Variants in TRIM37 observed in about 807,000 individuals in gnomAD.
TRIM37 encodes tripartite motif containing 37.
TRIM37 carries 80 observed loss-of-function variants against 129.8 expected under a neutral mutation model. That is an observed-to-expected ratio of 0.62 (90% confidence interval 0.51 to 0.74). The LOEUF is 0.74. Ranked by LOEUF, TRIM37 falls within the 30% of genes least tolerant of loss-of-function variation. The pLI is 0.00. For missense variants in TRIM37, 1,054 were observed against 1,176.5 expected (o/e 0.90, Z 1.52); for synonymous variants, 389 against 387.1 (o/e 1.00, Z -0.06).
chr17:59,074,064 T>C (rs1302120162), intron 8 of TRIM37, among the ~76,000 whole-genome samples: 1 of 152,250 alleles, frequency 6.6e-6, no homozygotes, highest in Non-Finnish European at 1.5e-5. Context: ...AATAATGTGT[T>C]ATATTTTTAT....
At position 59,012,889 on chromosome 17, in the gene TRIM37, A is replaced by AT. The variant is rs1002257491; in HGVS notation, c.2577-444dup. On this transcript the variant is annotated intron_variant, in intron 21 of 23. Transcript: ENST00000262294. ...AGACTCTGTCTCAAAAAAAAAAAAA[A>AT]TTTTTTTTTCACTAAATATTCACAA... is the stretch of plus-strand genomic sequence containing the variant. 2.1e-4 allele frequency among the ~76,000 whole-genome samples: 31 copies of AT among 150,630 alleles called. No homozygotes were observed. In the East Asian group the frequency reaches 3.9e-3, roughly 19 times the overall value.
At chr17:58,986,798 C>A (rs929264849) in intron 24 of TRIM37, among the ~76,000 whole-genome samples, 2 of 152,160 alleles carry the variant, frequency 1.3e-5, no homozygotes, top group East Asian at 3.9e-4. Flanking sequence ...GTGTGAGACA[C>A]CACGCCCAGC....
intron 4 of TRIM37, among the ~76,000 whole-genome samples, chr17:59,087,160 A>ATCTC (rs1291968117): frequency 3.9e-5 from 6 of 152,114 alleles, no homozygotes; most frequent in African/African-American, 1.4e-4. Context: ...CAATGGCACG[A>ATCTC]TCTCGGCTCA....
rs574412860 is a variant in TRIM37 at position 59,052,942 on chromosome 17, G to A, written c.1200-1614C>T. On this transcript the variant is annotated intron_variant, in intron 13 of 23. Coordinates refer to ENST00000262294, the MANE Select transcript of TRIM37 (RefSeq NM_015294.6). ...TGCACTCCAGCCTGGGCAACAGAGCGAAACTCTGTCTCAAAAAATCAAATC... is the reference window on the plus strand; with the variant it reads ...TGCACTCCAGCCTGGGCAACAGAGCAAAACTCTGTCTCAAAAAATCAAATC... Among the ~76,000 whole-genome samples the A allele has an allele frequency of 1.2e-4, 18 of 146,422 alleles. No individual in the cohort carries two copies. In the East Asian group the frequency reaches 3.6e-3, roughly 29 times the overall value.
intron 5 of TRIM37, among the ~76,000 whole-genome samples, chr17:59,081,958 A>AT (rs1555688920): frequency 8.7e-4 from 109 of 124,996 alleles, no homozygotes; most frequent in African/African-American, 2.4e-3. Flanking sequence ...AAAAATAAAA[A>AT]AAAAAAAATA....
intron 22 of TRIM37, among the ~76,000 whole-genome samples, chr17:59,010,782 T>C (rs779315435): frequency 6.6e-6 from 1 of 152,044 alleles, no homozygotes; most frequent in Non-Finnish European, 1.5e-5. Flanking sequence ...CATGAGCCAC[T>C]GCGCTTGGTG....
exon 25 of TRIM37, chr17:58,982,815 C>A (rs921394109): frequency 2.2e-5 from 27 of 1,208,408 alleles, no homozygotes; most frequent in African/African-American, 3.1e-5. Context: ...ACCTTTTCAT[C>A]ATTCTGAGGC....
intron 6 of TRIM37, among the ~76,000 whole-genome samples, chr17:59,080,118 G>T (rs567487989): frequency 6.6e-6 from 1 of 152,254 alleles, no homozygotes; most frequent in African/African-American, 2.4e-5. Context: ...GTAAAACAAA[G>T]AAGACATCTG....
At chr17:59,046,540 G>GT (rs772227639) in intron 16 of TRIM37, among the ~76,000 whole-genome samples, 1,592 of 131,684 alleles carry the variant, frequency 0.012, 4 homozygotes, top group African/African-American at 0.022. Flanking sequence ...ATGAAAAACA[G>GT]TTTTTTTTTT....
intron 5 of TRIM37, 84 bp downstream of exon 5, chr17:59,083,915 CATA>C: frequency 9.6e-7 from 1 of 1,045,348 alleles, no homozygotes; most frequent in Non-Finnish European, 1.5e-6. Flanking sequence ...TCTACGAGAG[CATA>C]ATGACACTAT....
chr17:59,042,445 A>ATATATATAT (rs1220676334), intron 16 of TRIM37, among the ~76,000 whole-genome samples: 28 of 40,248 alleles, frequency 7.0e-4, no homozygotes, highest in East Asian at 1.5e-3. Context: ...AAAAAAAAAA[A>ATATATATAT]AAAAATATAT....
intron 21 of TRIM37, among the ~76,000 whole-genome samples, chr17:59,013,914 C>A (rs1043884857): frequency 1.3e-5 from 2 of 151,888 alleles, no homozygotes; most frequent in Non-Finnish European, 1.5e-5. Context: ...CCTACATGAA[C>A]CAGGCTGGCA....
At chr17:59,042,044 C>A in intron 16 of TRIM37, 146 bp from the exon 17 acceptor site, 1 of 666,010 alleles carries the variant, frequency 1.5e-6, no homozygotes. Context: ...TGTCATTTTC[C>A]AAATTTAAGT....
intron 12 of TRIM37, among the ~76,000 whole-genome samples, chr17:59,057,335 C>G (rs2041042665): frequency 6.6e-6 from 1 of 152,122 alleles, no homozygotes; most frequent in African/African-American, 2.4e-5. Context: ...CTGCCTCGGC[C>G]TACAGAGTAG....
intron 17 of TRIM37, among the ~76,000 whole-genome samples, chr17:59,036,004 A>G (rs1253516710): frequency 6.6e-6 from 1 of 152,104 alleles, no homozygotes; most frequent in Admixed American, 6.6e-5. Flanking sequence ...AATATTCTAC[A>G]TTTTCACATC....
At chr17:59,041,071 T>G (rs1176127877) in intron 17 of TRIM37, among the ~76,000 whole-genome samples, 1 of 151,136 alleles carries the variant, frequency 6.6e-6, no homozygotes, top group African/African-American at 2.4e-5. Context: ...AAAAAGAATA[T>G]GCCAGTGTTC....
chr17:59,058,298 C>T (rs1258767584), intron 12 of TRIM37, among the ~76,000 whole-genome samples: 1 of 152,172 alleles, frequency 6.6e-6, no homozygotes, highest in Non-Finnish European at 1.5e-5. Flanking sequence ...CCAAATACCA[C>T]GTGTTCTCAC....
At position 59,086,397 on chromosome 17, in the gene TRIM37, C is replaced by T. The variant is rs1366213551; in HGVS notation, c.281+1894G>A. ...GGGATTACAGGCACATGCCACCACG[C>T]CCAGCTAATTTTTGTATTTTTAATA... On this transcript the variant is annotated intron_variant, in intron 4 of 23. Transcript: ENST00000262294. 2.0e-5 allele frequency among the ~76,000 whole-genome samples: 3 copies of T among 152,060 alleles called. No individual in the cohort carries two copies. The South Asian group carries it at 6.2e-4, about 32-fold the overall frequency.
At chr17:58,987,680 A>G (rs1465821510) in intron 24 of TRIM37, among the ~76,000 whole-genome samples, 2 of 152,226 alleles carry the variant, frequency 1.3e-5, no homozygotes, top group East Asian at 1.9e-4. Context: ...AAATATTACC[A>G]CATAAAAATT....
Sources: allele counts gnomAD v4.1 joint callset (sites outside exome capture counted in the v4.1 genomes callset), GRCh38; gene constraint gnomAD v4.1.1; transcripts MANE v1.5; gene names NCBI Gene and HGNC (gene_info 2026-07-23, HGNC 2026-07-21).